The following ZNF782 variants were observed in gnomAD, a reference collection of about 807,000 sequenced individuals.
ZNF782 encodes the protein zinc finger protein 782.
ZNF782 carries 12 observed loss-of-function variants against 13.0 expected under a neutral mutation model. That is an observed-to-expected ratio of 0.92 (90% confidence interval 0.59 to 1.50). ZNF782 has a LOEUF of 1.50. Ranked by LOEUF, ZNF782 falls within the 40% of genes most tolerant of loss-of-function variation. The probability of loss-of-function intolerance (pLI) is 0.00; values close to 1 mark genes in which losing one functional copy is unlikely to be tolerated. For missense variants in ZNF782, 770 were observed against 822.9 expected, an observed-to-expected ratio of 0.94 and a Z score of 0.79; for synonymous variants, 284 against 283.0, an observed-to-expected ratio of 1.00 and a Z score of -0.04.
chr9:96,861,658 C>T (rs1222603480), intron 1 of ZNF782: 3 of 154,154 alleles, frequency 1.9e-5, no homozygotes, highest in East Asian at 1.9e-4. Context: ...TGAAAAGATA[C>T]TCAACATCAA....
chr9:96,839,277 CTTTTT>C (rs201411107), intron 4 of ZNF782, among the ~76,000 whole-genome samples: 5 of 100,226 alleles, frequency 5.0e-5, no homozygotes, highest in Non-Finnish European at 9.2e-5. Flanking sequence ...TTACTTGGGA[CTTTTT>C]TTTTTTTTTT....
rs370327766 is a variant in ZNF782, at chr9:96,840,939, G to A, written c.142+3951C>T. Among the ~76,000 whole-genome samples the A allele has an allele frequency of 3.7e-4, 56 of 152,008 alleles. No individual in the cohort carries two copies. The South Asian group carries it at 5.8e-3, about 16-fold the overall frequency. On this transcript the variant is annotated intron_variant, in intron 4 of 5. Transcript: ENST00000481138. ...CTAAATTAAAACCAAAAAAACAAAA[G>A]AGAAAGATCAATGAGAGAAAAAGCT...
intron 4 of ZNF782, among the ~76,000 whole-genome samples, chr9:96,837,309 C>T (rs1851032776): frequency 1.3e-5 from 2 of 152,164 alleles, no homozygotes; most frequent in African/African-American, 4.8e-5. Context: ...TAATTTGTCT[C>T]TTTCATTTAG....
At chr9:96,855,773 G>C (rs545820099), upstream of ZNF782, among the ~76,000 whole-genome samples, 3 of 152,336 alleles carry the variant, frequency 2.0e-5, no homozygotes, top group East Asian at 5.8e-4. Context: ...TAGATACCCA[G>C]TAGTGGGATT....
intron 1 of ZNF782, among the ~76,000 whole-genome samples, chr9:96,871,598 C>T (rs1235774858): frequency 1.3e-5 from 2 of 152,166 alleles, no homozygotes; most frequent in Admixed American, 6.5e-5. Context: ...ACTCATAAGG[C>T]TTAAATGGCA....
At chr9:96,912,282 T>G in the ZNF782 span, among the ~76,000 whole-genome samples, 1 of 147,690 alleles carries the variant, frequency 6.8e-6, no homozygotes, top group Non-Finnish European at 1.5e-5. Context: ...CTTTTTTTTT[T>G]CTGGGAGGCT....
chr9:96,903,552 GTT>G, the ZNF782 span, among the ~76,000 whole-genome samples: 5,937 of 82,976 alleles, frequency 0.072, 307 homozygotes, highest in East Asian at 0.35. Context: ...TTAATTTTAT[GTT>G]GGTTTTTTTT....
At chr9:96,841,978 C>G (rs1851202415) in intron 4 of ZNF782, among the ~76,000 whole-genome samples, 1 of 151,850 alleles carries the variant, frequency 6.6e-6, no homozygotes. Flanking sequence ...CTACAAAAAG[C>G]CTCCCTAGAA....
At chr9:96,912,108 G>A in the ZNF782 span, among the ~76,000 whole-genome samples, 1 of 149,932 alleles carries the variant, frequency 6.7e-6, no homozygotes, top group African/African-American at 2.4e-5. Flanking sequence ...GGCTGAGGCA[G>A]GAGAATCGCT....
chr9:96,837,659 T>C (rs540864353), intron 4 of ZNF782, among the ~76,000 whole-genome samples: 1 of 152,360 alleles, frequency 6.6e-6, no homozygotes, highest in East Asian at 1.9e-4. Flanking sequence ...TGTATGCGTT[T>C]ATAGCTATAC....
chr9:96,921,036 G>T, the ZNF782 span, among the ~76,000 whole-genome samples: 2 of 147,244 alleles, frequency 1.4e-5, no homozygotes, highest in African/African-American at 5.2e-5. Context: ...TGTATAATGT[G>T]AAAGTTTTAA....
At chr9:96,868,489 T>C (rs1413030963) in intron 1 of ZNF782, among the ~76,000 whole-genome samples, 1 of 152,248 alleles carries the variant, frequency 6.6e-6, no homozygotes, top group Non-Finnish European at 1.5e-5. Context: ...TACCACATGT[T>C]TGTATTTATA....
the ZNF782 span, chr9:96,890,256 A>G: frequency 5.4e-4 from 83 of 152,588 alleles, no homozygotes; most frequent in Non-Finnish European, 1.1e-3. Flanking sequence ...GCGTCCAGCC[A>G]GGCCTGTGCC....
At chr9:96,882,781 C>G in the ZNF782 span, among the ~76,000 whole-genome samples, 1 of 152,156 alleles carries the variant, frequency 6.6e-6, no homozygotes, top group Non-Finnish European at 1.5e-5. Flanking sequence ...ATAGAAATTT[C>G]AAATTTAAAA....
chr9:96,852,443 C>G (rs969614955), intron 2 of ZNF782, among the ~76,000 whole-genome samples: 1 of 152,044 alleles, frequency 6.6e-6, no homozygotes, highest in Non-Finnish European at 1.5e-5. Context: ...AGTTCAAGAC[C>G]AACCTGGGCA....
chr9:96,887,339 A>AAGGAAGGG, the ZNF782 span: 1 of 138,352 alleles, frequency 7.2e-6, no homozygotes, highest in Non-Finnish European at 1.5e-5. Context: ...GGAAGGAAGG[A>AAGGAAGGG]AGAAAGAAAG....
intron 5 of ZNF782, among the ~76,000 whole-genome samples, chr9:96,826,234 T>C (rs1400295317): frequency 2.0e-5 from 3 of 152,072 alleles, no homozygotes; most frequent in African/African-American, 7.2e-5. Context: ...AAATGATGAG[T>C]TCATGTCCTT....
chr9:96,843,399 G>A (rs934715814), intron 4 of ZNF782, among the ~76,000 whole-genome samples: 2 of 152,262 alleles, frequency 1.3e-5, no homozygotes, highest in African/African-American at 2.4e-5. Context: ...AGAGCATTAC[G>A]CTGAGTGAAA....
In ZNF782 at chr9:96,819,699, A is replaced by G; in HGVS notation, c.324T>C (p.Asn108=). ...GKHLLQVLFT[N]KLLTTEQEIS... ...TTTCTTGCTCTGTAGTCAATAATTTATTGGTGAATAAAACTTGCAACAAAT... is the reference window on the plus strand; with the variant it reads ...TTTCTTGCTCTGTAGTCAATAATTTGTTGGTGAATAAAACTTGCAACAAAT... Residue 108 remains asparagine, a synonymous_variant, in exon 6 of 6, where the codon AAT becomes AAC. Coordinates refer to ENST00000481138, the MANE Select transcript of ZNF782 (RefSeq NM_001001662.3). 6.2e-7 allele frequency: 1 copy of G among 1,613,440 alleles called. No homozygotes were observed. Among genetic ancestry groups the G allele is most frequent in the African/African-American group, 1.3e-5 (1 of 74,974 alleles).
Sources: gnomAD v4.1 joint callset for allele counts (sites outside exome capture counted in the v4.1 genomes callset) on GRCh38, gnomAD v4.1.1 for gene constraint, MANE v1.5 for transcripts, NCBI Gene and HGNC (gene_info 2026-07-23, HGNC 2026-07-21) for gene names.